IKZF3: variants seen among roughly 807,000 people sequenced by gnomAD.
IKZF3 encodes IKAROS family zinc finger 3.
Under a neutral mutation model 49.0 loss-of-function variants are expected in IKZF3, and 10 were observed. The ratio of observed to expected loss-of-function variants is 0.20; its 90% CI spans 0.13 to 0.35. IKZF3 has a LOEUF of 0.35. Ranked by LOEUF, IKZF3 falls within the 10% of genes least tolerant of loss-of-function variation. The pLI, the probability that IKZF3 is intolerant of heterozygous loss-of-function variation, is 1.00. For synonymous variants in IKZF3, 209 were observed against 228.2 expected (o/e 0.92, Z 0.76); for missense variants, 498 against 664.8 (o/e 0.75, Z 2.76).
intron 1 of IKZF3, among the ~76,000 whole-genome samples, chr17:39,846,490 T>G (rs1181388819): frequency 2.0e-5 from 3 of 151,030 alleles, no homozygotes; most frequent in Admixed American, 6.6e-5. Context: ...TACCAAGGTT[T>G]TTTTTTTTTT....
intron 1 of IKZF3, chr17:39,835,965 G>C (rs1043143511): frequency 1.6e-6 from 1 of 636,158 alleles, no homozygotes; most frequent in African/African-American, 1.8e-5. Flanking sequence ...CAGCTGCCAC[G>C]GAGGTTTGTT....
intron 3 of IKZF3, among the ~76,000 whole-genome samples, chr17:39,804,018 T>C (rs915549075): frequency 2.6e-5 from 4 of 152,230 alleles, no homozygotes; most frequent in Non-Finnish European, 4.4e-5. Context: ...GTATATAGCA[T>C]GTTTTGTGTT....
rs567196692 is a variant in IKZF3, at chr17:39,774,010, A to T, written c.826+3641T>A. 2.0e-3 allele frequency among the ~76,000 whole-genome samples: 302 copies of T among 151,988 alleles called. 1 individual carries two copies. The highest frequency in any genetic ancestry group is 6.9e-3 in the African/African-American group (287 of 41,394). ...TTCTTGGAGAATTAGAAAAAAAAATATTTTTCTCCAACTTGAGAGCATGTT... is the reference window on the plus strand; with the variant it reads ...TTCTTGGAGAATTAGAAAAAAAAATTTTTTTCTCCAACTTGAGAGCATGTT... On this transcript the variant is annotated intron_variant, in intron 7 of 7. Transcript: ENST00000346872.
chr17:39,849,996 C>A (rs1232981821), intron 1 of IKZF3, among the ~76,000 whole-genome samples: 1 of 147,780 alleles, frequency 6.8e-6, no homozygotes, highest in African/African-American at 2.5e-5. Flanking sequence ...ATATTAGAAC[C>A]CAGAAATGGT....
intron 3 of IKZF3, among the ~76,000 whole-genome samples, chr17:39,794,620 T>A (rs2061117510): frequency 6.6e-6 from 1 of 152,196 alleles, no homozygotes; most frequent in African/African-American, 2.4e-5. Context: ...AACTTTTCAC[T>A]CTTTGACTAG....
intron 5 of IKZF3, 29 bp downstream of exon 5, chr17:39,791,387 G>T: frequency 6.2e-7 from 1 of 1,610,532 alleles, no homozygotes; most frequent in South Asian, 1.1e-5. Context: ...GCACTTCCTA[G>T]ACAAGGAATG....
intron 3 of IKZF3, among the ~76,000 whole-genome samples, chr17:39,812,578 G>C (rs1249548722): frequency 6.6e-6 from 1 of 152,184 alleles, no homozygotes; most frequent in African/African-American, 2.4e-5. Context: ...GCACACCACT[G>C]GGACTCCTCA....
chr17:39,847,108 A>T (rs775850623), intron 1 of IKZF3, among the ~76,000 whole-genome samples: 1 of 152,168 alleles, frequency 6.6e-6, no homozygotes, highest in Admixed American at 6.5e-5. Context: ...TGAGGCACTG[A>T]TTATAAGAAT....
chr17:39,815,190 T>A (rs964965652), intron 3 of IKZF3, among the ~76,000 whole-genome samples: 1 of 152,208 alleles, frequency 6.6e-6, no homozygotes, highest in African/African-American at 2.4e-5. Context: ...TTCCTTCTAT[T>A]TTCTAAGTGG....
At chr17:39,795,958 C>T (rs2061151382) in intron 3 of IKZF3, among the ~76,000 whole-genome samples, 2 of 151,848 alleles carry the variant, frequency 1.3e-5, no homozygotes, top group South Asian at 2.1e-4. Flanking sequence ...AGGATAATCG[C>T]TTCAACCTGG....
chr17:39,848,237 T>C (rs1188786186), intron 1 of IKZF3, among the ~76,000 whole-genome samples: 1 of 152,178 alleles, frequency 6.6e-6, no homozygotes, highest in African/African-American at 2.4e-5. Context: ...TTCTCCTAGA[T>C]TAAGTGTTTA....
intron 1 of IKZF3, among the ~76,000 whole-genome samples, chr17:39,844,491 T>C (rs2062570893): frequency 6.6e-6 from 1 of 152,192 alleles, no homozygotes. Context: ...AGTCACCTAT[T>C]CAAACAAGGT....
At chr17:39,856,522 C>T (rs1373554815) in intron 1 of IKZF3, among the ~76,000 whole-genome samples, 1 of 152,098 alleles carries the variant, frequency 6.6e-6, no homozygotes, top group African/African-American at 2.4e-5. Flanking sequence ...ACTTAAATAA[C>T]TTTTACAGCG....
chr17:39,829,365 T>C (rs200283071), intron 3 of IKZF3, 22 bp downstream of exon 3: 606 of 1,524,514 alleles, frequency 4.0e-4, no homozygotes, highest in Middle Eastern at 6.8e-4. Flanking sequence ...CATCAGTGTT[T>C]AGTCTGCACA....
At chr17:39,812,864 C>T (rs1013725124) in intron 3 of IKZF3, among the ~76,000 whole-genome samples, 32 of 152,014 alleles carry the variant, frequency 2.1e-4, no homozygotes, top group African/African-American at 7.0e-4. Context: ...TTTGGGAGGC[C>T]GAGGTGGGCA....
At chr17:39,768,782 G>A (rs2060361684) in intron 7 of IKZF3, among the ~76,000 whole-genome samples, 1 of 151,992 alleles carries the variant, frequency 6.6e-6, no homozygotes, top group Non-Finnish European at 1.5e-5. Context: ...AAATAAATGT[G>A]GTTTTTAAGG....
At chr17:39,811,483 G>A (rs2061560264) in intron 3 of IKZF3, among the ~76,000 whole-genome samples, 5 of 152,112 alleles carry the variant, frequency 3.3e-5, no homozygotes, top group African/African-American at 9.7e-5. Context: ...GAAAAAGCAA[G>A]CAAGCTCAAT....
Position 39,792,621 on chromosome 17 carries a change from C to T in IKZF3, c.424+52G>A, listed in dbSNP as rs3803795. 12,320 of 1,554,798 alleles carry T rather than the reference C, an allele frequency of 7.9e-3. 841 individuals carry two copies. The African/African-American group carries it at 0.15, about 19-fold the overall frequency. On this transcript the variant is annotated intron_variant, in intron 4 of 7. Coordinates refer to ENST00000346872, the MANE Select transcript of IKZF3 (RefSeq NM_012481.5). ...CCAAATTCCACCACTTCATTTCTCA[C>T]GTGGCTGCATTAGGAGAGTTTTCAG...
At position 39,817,848 on chromosome 17, in the gene IKZF3, C is replaced by T. The variant is rs537465241; in HGVS notation, c.163+11539G>A. 2.0e-5 allele frequency among the ~76,000 whole-genome samples: 3 copies of T among 152,238 alleles called. No individual in the cohort carries two copies. The South Asian group carries it at 6.2e-4, about 32-fold the overall frequency. On this transcript the variant is annotated intron_variant, in intron 3 of 7. Coordinates refer to ENST00000346872, the MANE Select transcript of IKZF3 (RefSeq NM_012481.5). ...TTAATAGTACAGTAGAGTAGTCCCC[C>T]CTTATTCACAGAGGATACTTTCCAA...
Sources: gnomAD v4.1 joint callset for allele counts (sites outside exome capture counted in the v4.1 genomes callset) on GRCh38, gnomAD v4.1.1 for gene constraint, MANE v1.5 for transcripts, NCBI Gene and HGNC (gene_info 2026-07-23, HGNC 2026-07-21) for gene names.